Variants in UHMK1 observed in about 807,000 individuals in gnomAD.
UHMK1 encodes the protein U2AF homology motif kinase 1, also known as serine/threonine-protein kinase Kist.
In UHMK1, 18 loss-of-function variants were observed where a neutral mutation model predicts 44.0. The ratio of observed to expected loss-of-function variants is 0.41; its 90% CI spans 0.28 to 0.61. The LOEUF is 0.61. UHMK1 is among the 20% of genes least tolerant of loss of function. The pLI is 0.31. For missense variants in UHMK1, 463 were observed against 522.5 expected, an observed-to-expected ratio of 0.89 and a Z score of 1.11; for synonymous variants, 231 against 198.5, an observed-to-expected ratio of 1.16 and a Z score of -1.38.
At position 162,498,050 on chromosome 1, in the gene UHMK1, A is replaced by T; in HGVS notation, c.50A>T (p.Glu17Val). Reference sequence around the variant, plus strand: ...GGCGCGGAGCCGCCGCGTTTTCTGGAGGCCTTCGGGCGGCTGTGGCAGGTA... The same window carrying T: ...GGCGCGGAGCCGCCGCGTTTTCTGGTGGCCTTCGGGCGGCTGTGGCAGGTA... ...AWGAEPPRFLEAFGRLWQVQS... is the reference protein window; with the variant it reads ...AWGAEPPRFLVAFGRLWQVQS... The change falls in exon 1 of 8, where the codon GAG becomes GTG. Residue 17 changes from glutamate (E) to valine (V), a missense_variant. This residue lies in a region of UHMK1 where 191 missense variants were observed against 176.0 expected (regional missense o/e 1.09). Coordinates refer to ENST00000489294, the MANE Select transcript of UHMK1 (RefSeq NM_175866.5). 6.2e-7 allele frequency: 1 copy of T among 1,602,572 alleles called. No individual in the cohort carries two copies. The highest frequency in any genetic ancestry group is 8.5e-7 in the Non-Finnish European group (1 of 1,173,398).
intron 2 of UHMK1, 23 bp downstream of exon 2, chr1:162,500,270 C>T (rs1651219925): frequency 2.5e-6 from 4 of 1,594,222 alleles, no homozygotes; most frequent in African/African-American, 2.7e-5. Context: ...CTTTTCTTTT[C>T]TCTCGCAGTT....
chr1:162,514,998 T>A lies in UHMK1; in HGVS notation c.1024+2175T>A, dbSNP rs374949831. Among the ~76,000 whole-genome samples the A allele has an allele frequency of 2.6e-5, 4 of 152,338 alleles. No individual in the cohort carries two copies. The East Asian group carries it at 5.8e-4, about 22-fold the overall frequency. On this transcript the variant is annotated intron_variant, in intron 6 of 7. Coordinates refer to ENST00000489294, the MANE Select transcript of UHMK1 (RefSeq NM_175866.5). ...GACTTCTCTAATTTTTTCCTATTAT[T>A]TTATTTACTTTCAGGTCTTAACTAT...
At chr1:162,509,268 C>CCT (rs1456689809) in intron 4 of UHMK1, among the ~76,000 whole-genome samples, 5 of 151,760 alleles carry the variant, frequency 3.3e-5, no homozygotes, top group Non-Finnish European at 7.4e-5. Context: ...TTTTCTGGTG[C>CCT]CTCTCTCTCT....
At chr1:162,504,458 G>A (rs1336185967) in intron 4 of UHMK1, among the ~76,000 whole-genome samples, 1 of 152,110 alleles carries the variant, frequency 6.6e-6, no homozygotes, top group Non-Finnish European at 1.5e-5. Context: ...CCACACCTAG[G>A]CTATATTGCA....
upstream of UHMK1, chr1:162,497,815 T>C (rs1338860010): frequency 2.0e-5 from 27 of 1,343,934 alleles, no homozygotes; most frequent in East Asian, 8.2e-4. Context: ...ATTTCCGGCT[T>C]CTGGGACTCG....
intron 7 of UHMK1, 29 bp from the exon 8 acceptor site, chr1:162,522,375 G>T (rs1159545996): frequency 1.2e-6 from 2 of 1,612,158 alleles, no homozygotes; most frequent in African/African-American, 1.3e-5. Flanking sequence ...TGGTGGAAAT[G>T]AAATGTTTTT....
At chr1:162,503,656 G>T in intron 3 of UHMK1, 98 bp from the exon 4 acceptor site, 13 of 593,182 alleles carry the variant, frequency 2.2e-5, no homozygotes, top group East Asian at 3.5e-5. Context: ...AGAAGATAGT[G>T]TTTTCTGTTG....
intron 7 of UHMK1, among the ~76,000 whole-genome samples, chr1:162,521,331 A>G (rs1166674773): frequency 6.6e-6 from 1 of 152,216 alleles, no homozygotes; most frequent in Non-Finnish European, 1.5e-5. Context: ...GGAGTATGAT[A>G]GAAAACATGA....
intron 6 of UHMK1, among the ~76,000 whole-genome samples, chr1:162,514,289 G>GGA (rs796914792): frequency 1.1e-4 from 14 of 132,980 alleles, no homozygotes; most frequent in African/African-American, 3.3e-4. Flanking sequence ...ACCATCTCTG[G>GGA]AAAAAAAAAA....
In UHMK1 at chr1:162,527,490, T is replaced by G. The variant is rs1251202167; in HGVS notation, c.*4940T>G. The G allele has an allele frequency of 6.6e-6, 1 of 152,174 alleles. No homozygotes were observed. The highest frequency in any genetic ancestry group is 2.1e-4 in the South Asian group (1 of 4,832). 9.4% of individuals were successfully genotyped at this position (152,174 alleles called of 1,614,324 possible). A position where few individuals can be genotyped will look rare whatever the true frequency, so the allele number is the denominator to read the frequency against. On this transcript the variant is annotated 3_prime_UTR_variant, in exon 8 of 8. Transcript: ENST00000489294. ...ATAGTTTACACAAACTTTATTCTCC[T>G]GATAGGAAATTTTTATTCATTTTCC...
rs1317464334 is a variant in UHMK1 at position 162,525,136 on chromosome 1, C to G, written c.*2586C>G. On this transcript the variant is annotated 3_prime_UTR_variant, in exon 8 of 8. Transcript: ENST00000489294. The stretch of plus-strand genomic sequence containing the variant: ...TGAAATTATTTTATAGCTCTTAGCC[C>G]GTTCTACCAAAGATCACATTAGCAG... 1 of 152,086 alleles carries G rather than the reference C, an allele frequency of 6.6e-6. No homozygotes were observed. The highest frequency in any genetic ancestry group is 6.6e-5 in the Admixed American group (1 of 15,246). The allele number at this position is 152,086 out of a possible 1,614,324, so 9.4% of individuals were successfully genotyped here.
At chr1:162,507,593 C>CT (rs1185781773) in intron 4 of UHMK1, among the ~76,000 whole-genome samples, 6 of 138,982 alleles carry the variant, frequency 4.3e-5, no homozygotes, top group African/African-American at 5.3e-5. Flanking sequence ...TTTTTTTTTT[C>CT]TTTTTTTTTG....
intron 7 of UHMK1, among the ~76,000 whole-genome samples, chr1:162,521,975 T>C (rs996413222): frequency 6.6e-6 from 1 of 152,208 alleles, no homozygotes; most frequent in African/African-American, 2.4e-5. Flanking sequence ...TTGACCAATA[T>C]TTTTTCCTTT....
At position 162,526,708 on chromosome 1, in the gene UHMK1, G is replaced by GT. The variant is rs1481368373; in HGVS notation, c.*4161dup. 1 of 151,856 alleles carries GT rather than the reference G, an allele frequency of 6.6e-6. No homozygotes were observed. The highest frequency in any genetic ancestry group is 2.4e-5 in the African/African-American group (1 of 41,324). The allele number at this position is 151,856 out of a possible 1,614,324, so 9.4% of individuals were successfully genotyped here. A position where few individuals can be genotyped will look rare whatever the true frequency, so the allele number is the denominator to read the frequency against. ...CACTGTCTGCCTGGAAATAGCCTTG[G>GT]TTTACCTTATTTTTTTGTATATGTA... On this transcript the variant is annotated 3_prime_UTR_variant, in exon 8 of 8. Transcript: ENST00000489294.
Position 162,500,275 on chromosome 1 carries a change from G to A in UHMK1, c.561+28G>A, listed in dbSNP as rs73015289. ...AAGAAATAACCTTTTCTTTTCTCTC[G>A]CAGTTTAAAATGTAGTGGTTGAAGC... On this transcript the variant is annotated intron_variant, in intron 2 of 7. Transcript: ENST00000489294. The A allele has an allele frequency of 1.2e-4, 191 of 1,592,228 alleles. 1 individual carries two copies. The African/African-American group carries it at 2.0e-3, about 16-fold the overall frequency.
chr1:162,518,275 C>A, intron 7 of UHMK1, 85 bp downstream of exon 7: 1 of 980,210 alleles, frequency 1.0e-6, no homozygotes, highest in Non-Finnish European at 1.6e-6. Flanking sequence ...GGAAGATGTA[C>A]AACAAAATTT....
rs1652144888 is a variant in UHMK1 at position 162,523,776 on chromosome 1, C to A, written c.*1226C>A. The A allele has an allele frequency of 6.6e-6, 1 of 152,112 alleles. No individual in the cohort carries two copies. Among genetic ancestry groups the A allele is most frequent in the African/African-American group, 2.4e-5 (1 of 41,410 alleles). The allele number at this position is 152,112 out of a possible 1,614,324, so 9.4% of individuals were successfully genotyped here. On this transcript the variant is annotated 3_prime_UTR_variant, in exon 8 of 8. Coordinates refer to ENST00000489294, the MANE Select transcript of UHMK1 (RefSeq NM_175866.5). ...CTTAGCTGAAGACAAACTAGAGGAGCAGCATCCCAGGTAGTTTGGCTTTTG... is the reference window on the plus strand; with the variant it reads ...CTTAGCTGAAGACAAACTAGAGGAGAAGCATCCCAGGTAGTTTGGCTTTTG...
At chr1:162,509,902 C>T (rs2101677160) in intron 4 of UHMK1, among the ~76,000 whole-genome samples, 1 of 152,230 alleles carries the variant, frequency 6.6e-6, no homozygotes, top group East Asian at 1.9e-4. Flanking sequence ...ACCTCTGCCT[C>T]CCAAATTGCT....
rs946014670 is a variant in UHMK1 at position 162,500,169 on chromosome 1, A to G, written c.483A>G (p.Pro161=). The part of the protein sequence containing the change: ...HEGYVHADLK[P]RNILWSAENE... ...GCTATGTCCATGCGGACCTCAAACC[A>G]CGTAACATATTGTGGAGTGCAGAGA... Residue 161 remains proline (P), a synonymous_variant, in exon 2 of 8, where the codon CCA becomes CCG. Coordinates refer to ENST00000489294, the MANE Select transcript of UHMK1 (RefSeq NM_175866.5). 1 of 1,614,238 alleles carries G rather than the reference A, an allele frequency of 6.2e-7. No homozygotes were observed. The highest frequency in any genetic ancestry group is 8.5e-7 in the Non-Finnish European group (1 of 1,180,038).
Sources: allele counts gnomAD v4.1 joint callset (sites outside exome capture counted in the v4.1 genomes callset), GRCh38; gene constraint gnomAD v4.1.1; regional missense constraint gnomAD v4.1.1; transcripts MANE v1.5; gene names NCBI Gene and HGNC (gene_info 2026-07-23, HGNC 2026-07-21).